Variants in NDC80 observed in about 807,000 individuals in gnomAD.
The protein encoded by NDC80 is NDC80 kinetochore complex component, also known as kinetochore protein NDC80 homolog.
A neutral mutation model predicts 89.3 loss-of-function variants in NDC80; 69 were observed. The observed-to-expected ratio is 0.77, with a 90% confidence interval of 0.64 to 0.94. The LOEUF is 0.94. Among genes scored for constraint, NDC80 ranks in the 40% least tolerant of loss-of-function variants. The pLI is 0.00. For missense variants in NDC80, 593 were observed against 739.6 expected (o/e 0.80, Z 2.30); for synonymous variants, 243 against 255.6 (o/e 0.95, Z 0.47).
At chr18:2,572,669 C>G (rs970610318) in intron 1 of NDC80, among the ~76,000 whole-genome samples, 2 of 152,154 alleles carry the variant, frequency 1.3e-5, no homozygotes, top group African/African-American at 2.4e-5. Context: ...CCACGGATAC[C>G]CTTGTGAAGG....
intron 13 of NDC80, among the ~76,000 whole-genome samples, chr18:2,605,326 G>GTGTGTGTA (rs2072705988): frequency 1.8e-5 from 2 of 112,820 alleles, no homozygotes; most frequent in African/African-American, 6.5e-5. Context: ...GTGTGTGTGT[G>GTGTGTGTA]TGTATGTACA....
intron 14 of NDC80, among the ~76,000 whole-genome samples, chr18:2,608,408 G>A (rs11080964): frequency 0.39 from 58,548 of 151,482 alleles, 12,477 homozygotes; most frequent in East Asian, 0.67. Flanking sequence ...GTTTCACCTC[G>A]CTGGCCAGGC....
intron 16 of NDC80, among the ~76,000 whole-genome samples, chr18:2,612,725 T>C (rs1319126900): frequency 6.6e-6 from 1 of 152,244 alleles, no homozygotes; most frequent in African/African-American, 2.4e-5. Flanking sequence ...GAAAACCTAA[T>C]GGTAAGTTAC....
At chr18:2,583,537 C>T (rs942756219) in intron 6 of NDC80, among the ~76,000 whole-genome samples, 2 of 151,888 alleles carry the variant, frequency 1.3e-5, no homozygotes, top group Non-Finnish European at 2.9e-5. Context: ...CCCGTCTCTA[C>T]TAAAAATGCA....
intron 11 of NDC80, among the ~76,000 whole-genome samples, chr18:2,597,105 G>A (rs919714454): frequency 6.6e-6 from 1 of 151,882 alleles, no homozygotes; most frequent in Non-Finnish European, 1.5e-5. Flanking sequence ...CAGCACACCA[G>A]CATGGCACAT....
intron 10 of NDC80, among the ~76,000 whole-genome samples, chr18:2,593,057 T>TGTGTGTGTC (rs1491312738): frequency 1.7e-4 from 12 of 69,328 alleles, no homozygotes; most frequent in African/African-American, 7.6e-4. Context: ...TGTGTGTGTC[T>TGTGTGTGTC]TTTTTTTTTT....
chr18:2,614,683 T>A (rs2072775163), intron 16 of NDC80, among the ~76,000 whole-genome samples: 1 of 151,436 alleles, frequency 6.6e-6, no homozygotes, highest in African/African-American at 2.4e-5. Context: ...AAAAACCAAC[T>A]TTCACTCTAG....
Position 2,606,523 on chromosome 18 carries a change from C to G in NDC80, c.1557+16C>G. On this transcript the variant is annotated intron_variant, in intron 14 of 16. Transcript: ENST00000261597. ...AAAAATTAAGGTAAGAACTTTGCCA[C>G]AGTTTGCGTAGGTTATCAAAAGCTA... is the stretch of plus-strand genomic sequence containing the variant. 1 of 1,545,226 alleles carries G rather than the reference C, an allele frequency of 6.5e-7. No individual in the cohort carries two copies. The highest frequency in any genetic ancestry group is 8.8e-7 in the Non-Finnish European group (1 of 1,131,904).
intron 3 of NDC80, among the ~76,000 whole-genome samples, chr18:2,575,608 CA>C (rs1169618226): frequency 1.3e-5 from 2 of 151,516 alleles, no homozygotes; most frequent in African/African-American, 4.9e-5. Context: ...CCTGTCTCTA[CA>C]AAAAAAAATT....
intron 16 of NDC80, among the ~76,000 whole-genome samples, chr18:2,611,120 C>A (rs1221228192): frequency 1.4e-5 from 2 of 140,690 alleles, no homozygotes; most frequent in African/African-American, 5.3e-5. Context: ...ATGGTCTCAA[C>A]TCACTGCAAC....
rs905419988 is a variant in NDC80, at chr18:2,580,890, G to A, written c.579+1861G>A. ...CGAGTAGCTGGGATTATAGGCACCC[G>A]CCATCACATCCGGCTAATTTTTTGT... On this transcript the variant is annotated intron_variant, in intron 6 of 16. Coordinates refer to ENST00000261597, the MANE Select transcript of NDC80 (RefSeq NM_006101.3). 1.2e-4 allele frequency among the ~76,000 whole-genome samples: 18 copies of A among 151,544 alleles called. 1 individual carries two copies. Among genetic ancestry groups the A allele is most frequent in the African/African-American group, 4.1e-4 (17 of 41,348 alleles).
chr18:2,598,992 C>T lies in NDC80; in HGVS notation c.1222-27C>T, dbSNP rs1160258512. 5 of 1,508,882 alleles carry T rather than the reference C, an allele frequency of 3.3e-6. No homozygotes were observed. In the African/African-American group the frequency reaches 7.1e-5, roughly 21 times the overall value. The allele number at this position is 1,508,882 out of a possible 1,614,324, so 93.5% of individuals were successfully genotyped here. A position where few individuals can be genotyped will look rare whatever the true frequency, so the allele number is the denominator to read the frequency against. The stretch of plus-strand genomic sequence containing the variant: ...AACATATGGAATGGGGCTGCTTTAA[C>T]ATGTCTTATGTGTTCTGTTCTTACA... On this transcript the variant is annotated intron_variant, in intron 11 of 16. Coordinates refer to ENST00000261597, the MANE Select transcript of NDC80 (RefSeq NM_006101.3).
intron 9 of NDC80, 77 bp downstream of exon 9, chr18:2,589,387 T>C: frequency 4.0e-6 from 4 of 1,000,602 alleles, no homozygotes; most frequent in Non-Finnish European, 4.6e-6. Flanking sequence ...GCTGTCTTTA[T>C]CAAAATTTTA....
At chr18:2,600,644 T>C (rs796890263) in intron 12 of NDC80, among the ~76,000 whole-genome samples, 1 of 150,612 alleles carries the variant, frequency 6.6e-6, no homozygotes, top group African/African-American at 2.4e-5. Context: ...GAAGAGGCCA[T>C]TGCATCTTTT....
chr18:2,575,165 G>A lies in NDC80; in HGVS notation c.179+99G>A, dbSNP rs1171686616. On this transcript the variant is annotated intron_variant, in intron 3 of 16. Transcript: ENST00000261597. ...CATTAGATGACATGGTTCCTTTCGA[G>A]AGAAAAGTTATAATCTAGTTTTCCT... The A allele has an allele frequency of 9.3e-6, 8 of 860,324 alleles. No individual in the cohort carries two copies. The African/African-American group carries it at 1.2e-4, about 13-fold the overall frequency. 53.3% of individuals were successfully genotyped at this position (860,324 alleles called of 1,614,324 possible).
intron 12 of NDC80, among the ~76,000 whole-genome samples, chr18:2,599,802 A>T (rs1253477106): frequency 6.6e-6 from 1 of 152,188 alleles, no homozygotes; most frequent in Non-Finnish European, 1.5e-5. Flanking sequence ...TTTTCAAAAT[A>T]CTTCAGTTTT....
chr18:2,595,480 G>A lies in NDC80; in HGVS notation c.1080G>A (p.Lys360=), dbSNP rs1217952013. The A allele has an allele frequency of 2.5e-6, 4 of 1,613,732 alleles. No homozygotes were observed. The African/African-American group carries it at 4.0e-5, about 16-fold the overall frequency. The part of the protein sequence containing the change: ...TRLQNIIDNQ[K]YSVADIERIN... ...TACAGAATATCATTGACAACCAGAA[G>A]TACTCAGTTGCAGACATTGAGCGAA... The change falls in exon 11 of 17, where the codon AAG becomes AAA. Residue 360 remains lysine, a synonymous_variant. Transcript: ENST00000261597.
Position 2,590,088 on chromosome 18 carries a change from T to C in NDC80, c.941T>C (p.Met314Thr), listed in dbSNP as rs1299572143. 6.2e-7 allele frequency: 1 copy of C among 1,608,082 alleles called. No individual in the cohort carries two copies. Among genetic ancestry groups the C allele is most frequent in the Non-Finnish European group, 8.5e-7 (1 of 1,176,790 alleles). Residue 314 changes from methionine to threonine, a missense_variant, in exon 10 of 17, where the codon ATG becomes ACG. Physicochemically the swap from Met to Thr is moderately conservative, Grantham distance 81 (BLOSUM62 -1). Coordinates refer to ENST00000261597, the MANE Select transcript of NDC80 (RefSeq NM_006101.3). ...GATGTTCAAAAGTATCAGGCATACA[T>C]GAGCAATTTGGAGTCTCATTCAGCC... ...QGDVQKYQAY[M>T]SNLESHSAIL... is the part of the protein sequence containing the mutation.
In NDC80 at chr18:2,595,451, C is replaced by T. The variant is rs2072649735; in HGVS notation, c.1051C>T (p.Arg351Ter). The T allele has an allele frequency of 1.2e-6, 2 of 1,613,532 alleles. No homozygotes were observed. Among genetic ancestry groups the T allele is most frequent in the Non-Finnish European group, 1.7e-6 (2 of 1,179,810 alleles). Reference protein sequence around the residue: ...ECETIKQENTRLQNIIDNQKY... With the variant: ...ECETIKQENT The stretch of plus-strand genomic sequence containing the variant: ...TGAAACAATAAAACAGGAGAACACT[C>T]GACTACAGAATATCATTGACAACCA... The change falls in exon 11 of 17, where the codon CGA becomes TGA. Residue 351 changes from arginine (R) to a stop codon, truncating the protein, a stop_gained. Coordinates refer to ENST00000261597, the MANE Select transcript of NDC80 (RefSeq NM_006101.3). LOFTEE classifies it high-confidence loss of function.
Sources: gnomAD v4.1 joint callset for allele counts (sites outside exome capture counted in the v4.1 genomes callset) on GRCh38, gnomAD v4.1.1 for gene constraint, MANE v1.5 for transcripts, NCBI Gene and HGNC (gene_info 2026-07-23, HGNC 2026-07-21) for gene names.